Variants in CAB39L observed in about 807,000 individuals in gnomAD.
CAB39L encodes calcium-binding protein 39-like.
CAB39L carries 23 observed loss-of-function variants against 39.1 expected under a neutral mutation model. That is an observed-to-expected ratio of 0.59 (90% CI 0.42 to 0.83). The LOEUF (loss-of-function observed/expected upper bound fraction) is 0.83, where lower values mean the gene tolerates loss of function less well. CAB39L is among the 40% of genes least tolerant of loss of function. CAB39L has a pLI of 0.00. For synonymous variants in CAB39L, 126 were observed against 137.2 expected, an observed-to-expected ratio of 0.92 and a Z score of 0.57; for missense variants, 366 against 391.9, an observed-to-expected ratio of 0.93 and a Z score of 0.56.
chr13:49,433,558 C>A (rs927480907), intron 2 of CAB39L, among the ~76,000 whole-genome samples, 165 bp from the exon 3 acceptor site: 1 of 152,098 alleles, frequency 6.6e-6, no homozygotes, highest in African/African-American at 2.4e-5. Flanking sequence ...CCCAATAACT[C>A]AAGTGGCAGA....
chr13:49,433,115 T>C (rs919882254), intron 3 of CAB39L, among the ~76,000 whole-genome samples: 21 of 152,340 alleles, frequency 1.4e-4, no homozygotes, highest in African/African-American at 5.1e-4. Flanking sequence ...TCTAGTACTT[T>C]ACATGTTTGG....
rs533105748 is a variant in CAB39L at position 49,434,148 on chromosome 13, G to A, written c.-170C>T. Reference sequence around the variant, plus strand: ...TGAACAAACCACTGATTTGGGGTTCGCATCTTTACGTTCTGAACAGCAACT... The same window carrying A: ...TGAACAAACCACTGATTTGGGGTTCACATCTTTACGTTCTGAACAGCAACT... On this transcript the variant is annotated 5_prime_UTR_variant, in exon 2 of 11. The change creates a premature stop within an existing upstream ORF in the 5' untranslated region. Coordinates refer to ENST00000409308, the MANE Select transcript of CAB39L (RefSeq NM_001079670.3). 26 of 456,860 alleles carry A rather than the reference G, an allele frequency of 5.7e-5. No individual in the cohort carries two copies. Among genetic ancestry groups the A allele is most frequent in the Middle Eastern group, 3.2e-4 (1 of 3,080 alleles). 28.3% of individuals were successfully genotyped at this position (456,860 alleles called of 1,614,324 possible).
intron 3 of CAB39L, among the ~76,000 whole-genome samples, chr13:49,383,554 T>G (rs1008200011): frequency 6.6e-6 from 1 of 152,222 alleles, no homozygotes; most frequent in Admixed American, 6.5e-5. Context: ...AATGCATTCA[T>G]GTATAGACAT....
At chr13:49,349,453 T>TAC (rs1233436947) in intron 7 of CAB39L, among the ~76,000 whole-genome samples, 2 of 133,658 alleles carry the variant, frequency 1.5e-5, no homozygotes, top group African/African-American at 5.9e-5. Flanking sequence ...TGAATCTGAA[T>TAC]ACATATATAT....
intron 5 of CAB39L, among the ~76,000 whole-genome samples, chr13:49,372,158 A>C: frequency 6.6e-6 from 1 of 152,288 alleles, no homozygotes; most frequent in South Asian, 2.1e-4. Context: ...GCCAAACCTC[A>C]AAAAACACAG....
At chr13:49,398,463 C>A (rs985866486) in intron 3 of CAB39L, among the ~76,000 whole-genome samples, 2 of 151,968 alleles carry the variant, frequency 1.3e-5, no homozygotes, top group Admixed American at 6.6e-5. Context: ...GGAAAATTGT[C>A]CAAATCTACC....
At chr13:49,400,159 A>G (rs2138652197) in intron 3 of CAB39L, among the ~76,000 whole-genome samples, 1 of 152,212 alleles carries the variant, frequency 6.6e-6, no homozygotes, top group East Asian at 1.9e-4. Context: ...ACTTGAATCA[A>G]TAACTAAAGA....
chr13:49,385,733 G>A (rs1285717916), intron 3 of CAB39L, among the ~76,000 whole-genome samples: 1 of 152,160 alleles, frequency 6.6e-6, no homozygotes, highest in Non-Finnish European at 1.5e-5. Context: ...AAGTGAGACA[G>A]GGGAACGGCC....
chr13:49,335,191 A>C (rs774246274), intron 9 of CAB39L, among the ~76,000 whole-genome samples: 2 of 152,226 alleles, frequency 1.3e-5, no homozygotes, highest in African/African-American at 2.4e-5. Flanking sequence ...TACTGAATAG[A>C]CACATATATA....
chr13:49,325,039 A>G (rs1280976936), intron 10 of CAB39L, among the ~76,000 whole-genome samples: 3 of 152,220 alleles, frequency 2.0e-5, no homozygotes, highest in Non-Finnish European at 4.4e-5. Context: ...AGGATTATCA[A>G]ACAGAGCCGT....
chr13:49,426,073 G>T (rs1957240069), intron 3 of CAB39L, among the ~76,000 whole-genome samples: 1 of 152,072 alleles, frequency 6.6e-6, no homozygotes. Flanking sequence ...TCTCACTGGG[G>T]TTCTTTGCAT....
intron 4 of CAB39L, among the ~76,000 whole-genome samples, chr13:49,382,215 A>G (rs1184688970): frequency 5.3e-5 from 8 of 152,160 alleles, no homozygotes; most frequent in Non-Finnish European, 1.5e-5. Context: ...TTGGCTCAAT[A>G]TTACAAAGTG....
At chr13:49,421,017 T>G (rs1457986975) in intron 3 of CAB39L, among the ~76,000 whole-genome samples, 1 of 152,152 alleles carries the variant, frequency 6.6e-6, no homozygotes, top group Non-Finnish European at 1.5e-5. Context: ...ATATTTCAAC[T>G]AAAACCAAAA....
intron 4 of CAB39L, among the ~76,000 whole-genome samples, chr13:49,382,011 A>G (rs1267095737): frequency 2.6e-5 from 4 of 152,214 alleles, no homozygotes; most frequent in Non-Finnish European, 5.9e-5. Context: ...ATCCTTGTCA[A>G]CACTTAACAT....
intron 3 of CAB39L, among the ~76,000 whole-genome samples, chr13:49,384,634 C>T (rs1332870859): frequency 6.6e-6 from 1 of 152,068 alleles, no homozygotes; most frequent in Non-Finnish European, 1.5e-5. Flanking sequence ...ACAATATGAA[C>T]ATATGAAATG....
At chr13:49,437,014 G>A (rs992164075) in intron 1 of CAB39L, among the ~76,000 whole-genome samples, 8 of 152,082 alleles carry the variant, frequency 5.3e-5, no homozygotes, top group Non-Finnish European at 1.0e-4. Context: ...CAAGTGATCC[G>A]CCCACCTTGG....
intron 1 of CAB39L, among the ~76,000 whole-genome samples, chr13:49,434,954 T>C (rs1367080295): frequency 2.6e-5 from 4 of 152,242 alleles, no homozygotes; most frequent in African/African-American, 9.6e-5. Context: ...ATCCCACTTT[T>C]GAATATGTAG....
At chr13:49,389,555 C>T (rs1460254912) in intron 3 of CAB39L, among the ~76,000 whole-genome samples, 2 of 152,114 alleles carry the variant, frequency 1.3e-5, no homozygotes, top group Admixed American at 6.5e-5. Flanking sequence ...GCATGAGAAT[C>T]GCTTGAACCC....
intron 5 of CAB39L, among the ~76,000 whole-genome samples, chr13:49,372,231 T>C (rs1432663394): frequency 2.0e-5 from 3 of 152,220 alleles, no homozygotes; most frequent in African/African-American, 7.2e-5. Flanking sequence ...AAATCATTTT[T>C]TGAACCTCAT....
Sources: allele counts gnomAD v4.1 joint callset (sites outside exome capture counted in the v4.1 genomes callset), GRCh38; gene constraint gnomAD v4.1.1; transcripts MANE v1.5; gene names NCBI Gene and HGNC (gene_info 2026-07-23, HGNC 2026-07-21).